MTFR1: variants seen among roughly 807,000 people sequenced by gnomAD.
The protein encoded by MTFR1 is chondrocyte protein with a poly-proline region.
In MTFR1, 28 loss-of-function variants were observed where a neutral mutation model predicts 38.8. The observed-to-expected ratio is 0.72, with a 90% CI of 0.53 to 0.99. The LOEUF is 0.99. Ranked by LOEUF, MTFR1 falls within the 50% of genes least tolerant of loss-of-function variation. The pLI is 0.00. For missense variants in MTFR1, 358 were observed against 395.5 expected, an observed-to-expected ratio of 0.91 and a Z score of 0.81; for synonymous variants, 145 against 137.0, an observed-to-expected ratio of 1.06 and a Z score of -0.41.
chr8:65,709,212 G>A lies in MTFR1; in HGVS notation c.*168G>A. The A allele has an allele frequency of 1.6e-6, 1 of 625,168 alleles. No homozygotes were observed. Among genetic ancestry groups the A allele is most frequent in the East Asian group, 2.8e-5 (1 of 35,948 alleles). The allele number at this position is 625,168 out of a possible 1,614,324, so 38.7% of individuals were successfully genotyped here. A position where few individuals can be genotyped will look rare whatever the true frequency, so the allele number is the denominator to read the frequency against. On this transcript the variant is annotated 3_prime_UTR_variant, in exon 8 of 8. Coordinates refer to ENST00000262146, the MANE Select transcript of MTFR1 (RefSeq NM_014637.4). ...TAATGAAAGCACTAAGTTTGGTTTTGCTTTTGTGAGATGGTCAGCTTTGGT... is the reference window on the plus strand; with the variant it reads ...TAATGAAAGCACTAAGTTTGGTTTTACTTTTGTGAGATGGTCAGCTTTGGT...
intron 3 of MTFR1, among the ~76,000 whole-genome samples, chr8:65,733,585 A>G (rs552282375): frequency 6.6e-6 from 1 of 151,962 alleles, no homozygotes; most frequent in African/African-American, 2.4e-5. Context: ...ACGCCACTGC[A>G]CTCCAGCCTG....
chr8:65,729,364 CTTTT>C (rs10540107), intron 3 of MTFR1, among the ~76,000 whole-genome samples: 39 of 80,076 alleles, frequency 4.9e-4, no homozygotes, highest in Admixed American at 1.9e-3. Context: ...TTGGTGGTAG[CTTTT>C]TTTTTTTTTT....
In MTFR1 at chr8:65,739,423, G is replaced by A. The variant is rs187353168; in HGVS notation, c.*48+19942G>A. 6.3e-5 allele frequency: 89 copies of A among 1,415,192 alleles called. No individual in the cohort carries two copies. The South Asian group carries it at 7.8e-4, about 12-fold the overall frequency. The allele number at this position is 1,415,192 out of a possible 1,614,324, so 87.7% of individuals were successfully genotyped here. A position where few individuals can be genotyped will look rare whatever the true frequency, so the allele number is the denominator to read the frequency against. Reference sequence around the variant, plus strand: ...GTTTGTTATAGAGCAATAGCTAACCGATATAACTGAGATAAAACTTAAACA... The same window carrying A: ...GTTTGTTATAGAGCAATAGCTAACCAATATAACTGAGATAAAACTTAAACA... On this transcript the variant is annotated intron_variant, in intron 3 of 3. Transcript: ENST00000521247.
At chr8:65,654,308 T>C (rs1298934212) in intron 1 of MTFR1, among the ~76,000 whole-genome samples, 1 of 152,208 alleles carries the variant, frequency 6.6e-6, no homozygotes, top group Non-Finnish European at 1.5e-5. Context: ...TATGTATTTG[T>C]AACTTTTTTC....
intron 6 of MTFR1, 123 bp from the exon 7 acceptor site, chr8:65,707,720 C>T: frequency 1.7e-6 from 2 of 1,211,846 alleles, no homozygotes; most frequent in South Asian, 1.6e-5. Flanking sequence ...CAGTATTTAT[C>T]AGGTCTCTAT....
intron 1 of MTFR1, among the ~76,000 whole-genome samples, chr8:65,663,633 A>T (rs927811434): frequency 6.8e-6 from 1 of 147,016 alleles, no homozygotes; most frequent in African/African-American, 2.5e-5. Flanking sequence ...TTGCTAAAAT[A>T]AAAAAGTACT....
In MTFR1 at chr8:65,740,525, C is replaced by T. The variant is rs527614969; in HGVS notation, c.*48+21044C>T. Among the ~76,000 whole-genome samples the T allele has an allele frequency of 7.2e-5, 11 of 152,182 alleles. No individual in the cohort carries two copies. The South Asian group carries it at 1.9e-3, about 26-fold the overall frequency. ...AAGCGATTCTCCTGCCTCAGCCTCC[C>T]GAGTAGCAGGGAGTACAGGCACCCG... On this transcript the variant is annotated intron_variant, in intron 3 of 3. Coordinates refer to the MTFR1 transcript ENST00000521247.
rs533914146 is a variant in MTFR1 at position 65,730,091 on chromosome 8, T to C, written c.*48+10610T>C. 3.3e-5 allele frequency among the ~76,000 whole-genome samples: 5 copies of C among 150,750 alleles called. No individual in the cohort carries two copies. In the East Asian group the frequency reaches 9.8e-4, roughly 30 times the overall value. Reference sequence around the variant, plus strand: ...CCAGTGAGCATTATTGCCTGAGCTCTGCCTTGGAAGCAGTAGCTTCTCATA... The same window carrying C: ...CCAGTGAGCATTATTGCCTGAGCTCCGCCTTGGAAGCAGTAGCTTCTCATA... On this transcript the variant is annotated intron_variant, in intron 3 of 3. Transcript: ENST00000521247.
intron 1 of MTFR1, among the ~76,000 whole-genome samples, chr8:65,658,760 TA>T (rs1311994546): frequency 6.6e-6 from 1 of 152,140 alleles, no homozygotes; most frequent in African/African-American, 2.4e-5. Flanking sequence ...TACAGCTCAA[TA>T]AATTGCCACA....
chr8:65,750,504 CTGTG>C (rs1043866998), intron 3 of MTFR1, among the ~76,000 whole-genome samples: 2 of 143,050 alleles, frequency 1.4e-5, no homozygotes, highest in East Asian at 4.0e-4. Context: ...GTGTGTGTGT[CTGTG>C]TGTGTCTGTG....
intron 4 of MTFR1, among the ~76,000 whole-genome samples, chr8:65,700,841 C>T (rs931130024): frequency 6.6e-6 from 1 of 152,176 alleles, no homozygotes; most frequent in Non-Finnish European, 1.5e-5. Context: ...AGATCCTTAC[C>T]CTAAAACAGT....
chr8:65,655,394 G>A (rs1203724035), intron 1 of MTFR1, among the ~76,000 whole-genome samples: 1 of 152,064 alleles, frequency 6.6e-6, no homozygotes, highest in Non-Finnish European at 1.5e-5. Flanking sequence ...TGGTAGTATA[G>A]GTCATGAGAT....
downstream of MTFR1, among the ~76,000 whole-genome samples, chr8:65,773,133 A>G (rs1478752484): frequency 6.6e-6 from 1 of 152,256 alleles, no homozygotes; most frequent in Non-Finnish European, 1.5e-5. Context: ...AACAGATTTT[A>G]GTCATAGCAG....
chr8:65,740,276 C>T (rs1490820387), intron 3 of MTFR1, among the ~76,000 whole-genome samples: 5 of 152,154 alleles, frequency 3.3e-5, no homozygotes, highest in Admixed American at 6.5e-5. Flanking sequence ...GGCTCTTTCA[C>T]GTTTTAAAAT....
At position 65,745,365 on chromosome 8, in the gene MTFR1, T is replaced by C. The variant is rs371456343; in HGVS notation, c.*49-25582T>C. ...AGCGGCTGCACCATCAATGCAGTAATCTAGACTACATTAACTTGAGCAAGT... is the reference window on the plus strand; with the variant it reads ...AGCGGCTGCACCATCAATGCAGTAACCTAGACTACATTAACTTGAGCAAGT... On this transcript the variant is annotated intron_variant, in intron 3 of 3. Transcript: ENST00000521247. 43 of 1,120,854 alleles carry C rather than the reference T, an allele frequency of 3.8e-5. No homozygotes were observed. The African/African-American group carries it at 6.4e-4, about 17-fold the overall frequency. 69.4% of individuals were successfully genotyped at this position (1,120,854 alleles called of 1,614,324 possible). A position where few individuals can be genotyped will look rare whatever the true frequency, so the allele number is the denominator to read the frequency against.
intron 1 of MTFR1, among the ~76,000 whole-genome samples, chr8:65,653,852 G>A (rs1490927467): frequency 2.0e-5 from 3 of 151,930 alleles, no homozygotes; most frequent in Non-Finnish European, 2.9e-5. Context: ...ATCACTTGAA[G>A]CCAGGAGTTT....
At chr8:65,707,371 A>C in intron 6 of MTFR1, 115 bp downstream of exon 6, 1 of 1,106,524 alleles carries the variant, frequency 9.0e-7, no homozygotes, top group Non-Finnish European at 1.3e-6. Flanking sequence ...TTTTTAGTTT[A>C]AAAAAAAGAT....
chr8:65,776,565 A>G, the MTFR1 span, among the ~76,000 whole-genome samples: 21 of 152,180 alleles, frequency 1.4e-4, no homozygotes, highest in Admixed American at 2.6e-4. Context: ...TATTTAAGTT[A>G]TCTTTAATTT....
chr8:65,775,220 A>C (rs997539476), downstream of MTFR1, among the ~76,000 whole-genome samples: 1 of 152,152 alleles, frequency 6.6e-6, no homozygotes, highest in Non-Finnish European at 1.5e-5. Flanking sequence ...TTTATTGCAA[A>C]CAACCAGCTC....
Sources: allele counts gnomAD v4.1 joint callset (sites outside exome capture counted in the v4.1 genomes callset), GRCh38; gene constraint gnomAD v4.1.1; transcripts MANE v1.5; gene names NCBI Gene and HGNC (gene_info 2026-07-23, HGNC 2026-07-21).